Variants in GABRA1 observed in about 807,000 individuals in gnomAD.
The protein encoded by GABRA1 is gamma-aminobutyric acid type A receptor subunit alpha1, also known as gamma-aminobutyric acid receptor subunit alpha-1.
A neutral mutation model predicts 48.9 loss-of-function variants in GABRA1; 9 were observed. The ratio of observed to expected loss-of-function variants is 0.18; its 90% CI spans 0.11 to 0.32. GABRA1 has a LOEUF of 0.32. Among genes scored for constraint, GABRA1 ranks in the 10% least tolerant of loss-of-function variants. The pLI is 1.00. For synonymous variants in GABRA1, 210 were observed against 198.7 expected (o/e 1.06, Z -0.48); for missense variants, 285 against 553.8 (o/e 0.51, Z 4.87).
chr5:161,863,887 T>G (rs896612569), intron 3 of GABRA1, among the ~76,000 whole-genome samples: 1 of 151,964 alleles, frequency 6.6e-6, no homozygotes, highest in Admixed American at 6.6e-5. Context: ...ACCATATTTA[T>G]TTAAGACATG....
At chr5:161,879,830 A>G (rs1351596440) in intron 6 of GABRA1, among the ~76,000 whole-genome samples, 1 of 152,210 alleles carries the variant, frequency 6.6e-6, no homozygotes, top group Non-Finnish European at 1.5e-5. Flanking sequence ...ATTATATAAA[A>G]TGAAAAGTCA....
chr5:161,892,728 G>A (rs761287397), intron 8 of GABRA1, among the ~76,000 whole-genome samples: 1 of 152,028 alleles, frequency 6.6e-6, no homozygotes, highest in Admixed American at 6.6e-5. Context: ...AGGACAGGCC[G>A]GGCACGGGGC....
chr5:161,864,081 T>C (rs561490027), intron 3 of GABRA1, among the ~76,000 whole-genome samples: 1 of 152,138 alleles, frequency 6.6e-6, no homozygotes, highest in South Asian at 2.1e-4. Context: ...GAGGAAAGTA[T>C]AAGGAGGGGT....
chr5:161,885,947 C>A (rs1290605513), intron 7 of GABRA1, among the ~76,000 whole-genome samples: 1 of 152,134 alleles, frequency 6.6e-6, no homozygotes, highest in African/African-American at 2.4e-5. Flanking sequence ...AGGCACAAAA[C>A]CCCTGCCCTT....
intron 3 of GABRA1, among the ~76,000 whole-genome samples, chr5:161,861,879 A>C (rs1757872211): frequency 6.6e-6 from 1 of 151,988 alleles, no homozygotes; most frequent in African/African-American, 2.4e-5. Context: ...TTTAGTCTCC[A>C]TGTGGTGCCT....
intron 3 of GABRA1, among the ~76,000 whole-genome samples, chr5:161,863,499 G>A (rs577990830): frequency 1.3e-5 from 2 of 152,054 alleles, no homozygotes; most frequent in East Asian, 3.9e-4. Flanking sequence ...GATCTCAGGT[G>A]AACTCAGAGA....
At chr5:161,858,456 T>C (rs1178624250) in intron 3 of GABRA1, among the ~76,000 whole-genome samples, 2 of 151,706 alleles carry the variant, frequency 1.3e-5, no homozygotes, top group Non-Finnish European at 3.0e-5. Context: ...TCCAGTGATA[T>C]GTTTCTCCTC....
At chr5:161,889,539 G>A (rs1443503405) in intron 7 of GABRA1, among the ~76,000 whole-genome samples, 3 of 152,060 alleles carry the variant, frequency 2.0e-5, no homozygotes, top group African/African-American at 7.2e-5. Flanking sequence ...CCAACCTATA[G>A]ATGAGCAAAA....
chr5:161,865,008 C>T (rs1344299339), intron 3 of GABRA1, among the ~76,000 whole-genome samples: 1 of 151,828 alleles, frequency 6.6e-6, no homozygotes, highest in Non-Finnish European at 1.5e-5. Context: ...GGCAGTATTT[C>T]TCTGGAAATG....
intron 3 of GABRA1, among the ~76,000 whole-genome samples, chr5:161,854,867 A>C (rs1463565817): frequency 6.6e-6 from 1 of 151,570 alleles, no homozygotes; most frequent in African/African-American, 2.4e-5. Flanking sequence ...CTTAGGAAGA[A>C]GACAGCACTT....
intron 6 of GABRA1, 117 bp from the exon 7 acceptor site, chr5:161,882,441 C>T: frequency 1.0e-6 from 1 of 983,384 alleles, no homozygotes; most frequent in South Asian, 1.3e-5. Flanking sequence ...GCTCATCTTT[C>T]CTAGCCTGCC....
chr5:161,889,461 T>C (rs183267090), intron 7 of GABRA1, among the ~76,000 whole-genome samples: 83 of 152,144 alleles, frequency 5.5e-4, no homozygotes, highest in African/African-American at 1.7e-3. Flanking sequence ...TGCTTCCAAA[T>C]ATTAATACAT....
At chr5:161,884,723 A>G (rs1036684845) in intron 7 of GABRA1, among the ~76,000 whole-genome samples, 4 of 152,164 alleles carry the variant, frequency 2.6e-5, no homozygotes, top group African/African-American at 9.7e-5. Flanking sequence ...AATGTTGGGA[A>G]ACAAATCAAA....
intron 6 of GABRA1, among the ~76,000 whole-genome samples, chr5:161,878,695 C>A (rs1180073370): frequency 6.6e-6 from 1 of 152,030 alleles, no homozygotes; most frequent in Non-Finnish European, 1.5e-5. Context: ...AACCCGAGGG[C>A]AATGTGCATG....
intron 4 of GABRA1, among the ~76,000 whole-genome samples, chr5:161,870,506 G>T (rs1561573969): frequency 6.6e-6 from 1 of 151,112 alleles, no homozygotes; most frequent in Non-Finnish European, 1.5e-5. Flanking sequence ...GGTGGAGGTT[G>T]CAGTGAGCTA....
At chr5:161,892,929 T>C (rs1481500672) in intron 8 of GABRA1, among the ~76,000 whole-genome samples, 1 of 150,980 alleles carries the variant, frequency 6.6e-6, no homozygotes, top group Non-Finnish European at 1.5e-5. Context: ...GCTTGAACCC[T>C]GGAGGTGCAG....
chr5:161,879,802 A>G (rs1754533181), intron 6 of GABRA1, among the ~76,000 whole-genome samples: 1 of 152,202 alleles, frequency 6.6e-6, no homozygotes, highest in African/African-American at 2.4e-5. Context: ...ATGAAATTGC[A>G]AGAAATGAGA....
intron 3 of GABRA1, among the ~76,000 whole-genome samples, chr5:161,861,144 CA>C (rs1286662496): frequency 1.3e-5 from 2 of 151,718 alleles, no homozygotes; most frequent in Non-Finnish European, 2.9e-5. Flanking sequence ...TCTCGTATAA[CA>C]AAATGCTACC....
Position 161,897,136 on chromosome 5 carries a change from T to G in GABRA1, c.1085T>G (p.Ile362Ser). Residue 362 changes from isoleucine (I) to serine (S), a missense_variant, in exon 10 of 10, where the codon ATT becomes AGT. Physicochemically the swap from Ile to Ser is moderately radical, Grantham distance 142. This residue lies in a region of GABRA1 where 99 missense variants were observed against 94.2 expected (regional missense o/e 1.05). Transcript: ENST00000393943. ...CCAAAGAAAGTAAAGGATCCTCTTA[T>G]TAAGAAAAACAACACTTACGCTCCA... ...EKPKKVKDPLIKKNNTYAPTA... is the reference protein window; with the variant it reads ...EKPKKVKDPLSKKNNTYAPTA... 6.2e-7 allele frequency: 1 copy of G among 1,614,050 alleles called. No homozygotes were observed. Among genetic ancestry groups the G allele is most frequent in the Non-Finnish European group, 8.5e-7 (1 of 1,179,986 alleles).
Sources: gnomAD v4.1 joint callset for allele counts (sites outside exome capture counted in the v4.1 genomes callset) on GRCh38, gnomAD v4.1.1 for gene constraint, gnomAD v4.1.1 regional missense constraint, MANE v1.5 for transcripts, NCBI Gene and HGNC (gene_info 2026-07-23, HGNC 2026-07-21) for gene names.